Variants in SUGCT observed in about 807,000 individuals in gnomAD.
SUGCT encodes succinyl-CoA:glutarate CoA-transferase.
SUGCT carries 41 observed loss-of-function variants against 55.0 expected under a neutral mutation model. The ratio of observed to expected loss-of-function variants is 0.74; its 90% CI spans 0.58 to 0.97. The LOEUF is 0.97. Ranked by LOEUF, SUGCT falls within the 50% of genes least tolerant of loss-of-function variation. The pLI is 0.00. For synonymous variants in SUGCT, 187 were observed against 200.4 expected (o/e 0.93, Z 0.56); for missense variants, 568 against 547.8 (o/e 1.04, Z -0.37).
intron 12 of SUGCT, among the ~76,000 whole-genome samples, chr7:40,557,366 C>T (rs538382181): frequency 6.6e-6 from 1 of 152,164 alleles, no homozygotes; most frequent in Non-Finnish European, 1.5e-5. Context: ...GGGAAATCTT[C>T]ACGACAGTGG....
At chr7:40,867,984 T>C in the SUGCT span, among the ~76,000 whole-genome samples, 1 of 152,202 alleles carries the variant, frequency 6.6e-6, no homozygotes, top group Admixed American at 6.5e-5. Flanking sequence ...AAATATCTGC[T>C]GAATAGACAT....
At chr7:40,253,648 C>T (rs888369290) in intron 7 of SUGCT, among the ~76,000 whole-genome samples, 1 of 152,102 alleles carries the variant, frequency 6.6e-6, no homozygotes, top group Admixed American at 6.6e-5. Context: ...CTGCAACCTC[C>T]GCCTCCCGGT....
chr7:40,246,926 A>G (rs1562609245), intron 7 of SUGCT, among the ~76,000 whole-genome samples: 1 of 152,122 alleles, frequency 6.6e-6, no homozygotes, highest in African/African-American at 2.4e-5. Flanking sequence ...TGTTCATTCA[A>G]TTTTGTGTGT....
intron 12 of SUGCT, among the ~76,000 whole-genome samples, chr7:40,650,109 C>A (rs1800703525): frequency 6.6e-6 from 1 of 152,254 alleles, no homozygotes; most frequent in Admixed American, 6.5e-5. Context: ...GACTAAGGGC[C>A]TCAGTTCTGC....
rs199566011 is a variant in SUGCT, at chr7:40,402,820, C to CA, written c.817-46462dup. Among the ~76,000 whole-genome samples, 744 of 152,260 alleles carry CA rather than the reference C, an allele frequency of 4.9e-3. 2 individuals are homozygous for CA. Among genetic ancestry groups the CA allele is most frequent in the African/African-American group, 0.017 (710 of 41,528 alleles). ...TTAGGGTGAGAGGAAGTTCAATCTC[C>CA]AAAAAGCTTAAGTTTCTGGACTCTC... On this transcript the variant is annotated intron_variant, in intron 9 of 13. Transcript: ENST00000335693.
At chr7:40,706,382 C>T (rs984865691) in intron 12 of SUGCT, among the ~76,000 whole-genome samples, 1 of 152,110 alleles carries the variant, frequency 6.6e-6, no homozygotes, top group African/African-American at 2.4e-5. Context: ...TGGTGCACAC[C>T]TGTAGTCCCA....
intron 13 of SUGCT, among the ~76,000 whole-genome samples, chr7:40,772,552 A>G (rs1470784007): frequency 4.2e-4 from 57 of 136,480 alleles, no homozygotes; most frequent in African/African-American, 5.1e-4. Flanking sequence ...CTATCTATCT[A>G]TCTATCTATC....
intron 13 of SUGCT, among the ~76,000 whole-genome samples, chr7:40,752,127 A>G (rs1222130277): frequency 6.6e-6 from 1 of 152,100 alleles, no homozygotes; most frequent in Non-Finnish European, 1.5e-5. Context: ...GGGATGTTTC[A>G]TATAGTTTGG....
chr7:40,751,859 A>G (rs1562981434), intron 13 of SUGCT, among the ~76,000 whole-genome samples: 1 of 152,334 alleles, frequency 6.6e-6, no homozygotes, highest in East Asian at 1.9e-4. Context: ...CCAACCAAGA[A>G]TGAACTCATT....
intron 7 of SUGCT, among the ~76,000 whole-genome samples, chr7:40,240,236 C>A (rs1278765155): frequency 1.3e-5 from 2 of 152,108 alleles, no homozygotes; most frequent in African/African-American, 4.8e-5. Context: ...GTAATCCCAG[C>A]ACTTTGGGAG....
At chr7:40,487,102 GAC>G (rs1791410519) in intron 11 of SUGCT, among the ~76,000 whole-genome samples, 1 of 24,592 alleles carries the variant, frequency 4.1e-5, no homozygotes, top group Non-Finnish European at 7.4e-5. Flanking sequence ...TTTTTTTTTT[GAC>G]ACAGAGTTTC....
intron 6 of SUGCT, among the ~76,000 whole-genome samples, chr7:40,211,324 C>A (rs1286875362): frequency 6.6e-6 from 1 of 152,144 alleles, no homozygotes; most frequent in Non-Finnish European, 1.5e-5. Context: ...AATGATTCTC[C>A]TGCCTCAGCC....
intron 1 of SUGCT, among the ~76,000 whole-genome samples, chr7:40,175,729 A>G (rs1486762563): frequency 2.0e-5 from 3 of 152,094 alleles, no homozygotes; most frequent in African/African-American, 7.2e-5. Context: ...GATCACCAAC[A>G]AAAAGCACAA....
intron 12 of SUGCT, among the ~76,000 whole-genome samples, chr7:40,648,144 A>T (rs1800614653): frequency 6.6e-6 from 1 of 152,214 alleles, no homozygotes; most frequent in Admixed American, 6.5e-5. Context: ...GATGAAACTA[A>T]TAATCATCTC....
At chr7:40,312,109 G>T (rs182520896) in intron 8 of SUGCT, among the ~76,000 whole-genome samples, 2 of 148,842 alleles carry the variant, frequency 1.3e-5, no homozygotes, top group African/African-American at 2.5e-5. Context: ...GCGCGATCTC[G>T]GCTCACCGCA....
intron 12 of SUGCT, among the ~76,000 whole-genome samples, chr7:40,598,414 G>T (rs1331990053): frequency 6.6e-6 from 1 of 152,192 alleles, no homozygotes; most frequent in Non-Finnish European, 1.5e-5. Flanking sequence ...ATTAATTCAT[G>T]TATATCAGCA....
chr7:40,910,168 A>T, the SUGCT span, among the ~76,000 whole-genome samples: 1 of 151,550 alleles, frequency 6.6e-6, no homozygotes, highest in Admixed American at 6.6e-5. Flanking sequence ...ACAAAGAAGG[A>T]TTCTCTGAAG....
intron 12 of SUGCT, among the ~76,000 whole-genome samples, chr7:40,510,080 A>T (rs907665035): frequency 6.6e-6 from 1 of 152,166 alleles, no homozygotes; most frequent in Non-Finnish European, 1.5e-5. Context: ...TTCATAGTAT[A>T]TATAATTCAA....
chr7:40,749,704 G>A lies in SUGCT; in HGVS notation c.1153+207G>A, dbSNP rs534110969. On this transcript the variant is annotated intron_variant, in intron 13 of 13. Coordinates refer to ENST00000335693, the MANE Select transcript of SUGCT (RefSeq NM_001193313.2). ...TTGTGTCTTAGCTCTAAGGAGTGTCGGATTGCCACGATGACAAAAAAATGC... is the reference window on the plus strand; with the variant it reads ...TTGTGTCTTAGCTCTAAGGAGTGTCAGATTGCCACGATGACAAAAAAATGC... 3.0e-4 allele frequency among the ~76,000 whole-genome samples: 45 copies of A among 152,228 alleles called. No homozygotes were observed. The South Asian group carries it at 3.5e-3, about 12-fold the overall frequency.
Sources: gnomAD v4.1 joint callset for allele counts (sites outside exome capture counted in the v4.1 genomes callset) on GRCh38, gnomAD v4.1.1 for gene constraint, MANE v1.5 for transcripts, NCBI Gene and HGNC (gene_info 2026-07-23, HGNC 2026-07-21) for gene names.